ADGRE1: variants seen among roughly 807,000 people sequenced by gnomAD.
ADGRE1 encodes the protein EGF-like module receptor 1.
A neutral mutation model predicts 102.7 loss-of-function variants in ADGRE1; 82 were observed. The ratio of observed to expected loss-of-function variants is 0.80; its 90% confidence interval spans 0.67 to 0.96. The LOEUF is 0.96. Ranked by LOEUF, ADGRE1 falls within the 40% of genes least tolerant of loss-of-function variation. The pLI is 0.00. For missense variants in ADGRE1, 1,032 were observed against 1,085.3 expected, an observed-to-expected ratio of 0.95 and a Z score of 0.69; for synonymous variants, 398 against 399.6, an observed-to-expected ratio of 1.00 and a Z score of 0.05.
chr19:6,937,533 T>C lies in ADGRE1; in HGVS notation c.2551-11T>C. 1 of 1,612,630 alleles carries C rather than the reference T, an allele frequency of 6.2e-7. No individual in the cohort carries two copies. Among genetic ancestry groups the C allele is most frequent in the Non-Finnish European group, 8.5e-7 (1 of 1,179,484 alleles). ...TTTCCCTGCATCTGGATGATGTGTC[T>C]CCTTCTCCAGGTACGAGAAGAATAC... On this transcript the variant is annotated splice_polypyrimidine_tract_variant and intron_variant, in intron 19 of 20. Coordinates refer to ENST00000312053, the MANE Select transcript of ADGRE1 (RefSeq NM_001974.5).
chr19:6,920,691 G>A (rs1974630507), intron 13 of ADGRE1, among the ~76,000 whole-genome samples: 1 of 151,062 alleles, frequency 6.6e-6, no homozygotes, highest in Non-Finnish European at 1.5e-5. Flanking sequence ...TTTGTATTTA[G>A]TAGAGACGGA....
chr19:6,903,592 A>C (rs1020991213), intron 6 of ADGRE1, among the ~76,000 whole-genome samples: 3 of 152,062 alleles, frequency 2.0e-5, no homozygotes, highest in African/African-American at 7.2e-5. Context: ...CCACTTCTTG[A>C]CCACCTTGGC....
intron 12 of ADGRE1, among the ~76,000 whole-genome samples, chr19:6,919,341 T>A (rs1974530598): frequency 1.3e-5 from 2 of 151,836 alleles, no homozygotes; most frequent in Non-Finnish European, 2.9e-5. Flanking sequence ...GAGGTTTTTT[T>A]TTTTTAATGG....
intron 11 of ADGRE1, among the ~76,000 whole-genome samples, chr19:6,914,410 A>G (rs992915294): frequency 1.8e-4 from 28 of 152,164 alleles, no homozygotes; most frequent in Non-Finnish European, 7.4e-5. Context: ...TTTTTAATCC[A>G]CTAAGACTTA....
At position 6,889,952 on chromosome 19, in the gene ADGRE1, A is replaced by C. The variant is rs546977148; in HGVS notation, c.32-529A>C. Reference sequence around the variant, plus strand: ...AGAACTTTTTTTTTTAGACAGGGTCACCTAGGCTGGAGCGCAGTGGCATGA... The same window carrying C: ...AGAACTTTTTTTTTTAGACAGGGTCCCCTAGGCTGGAGCGCAGTGGCATGA... On this transcript the variant is annotated intron_variant, in intron 1 of 20. Coordinates refer to ENST00000312053, the MANE Select transcript of ADGRE1 (RefSeq NM_001974.5). 3.3e-5 allele frequency among the ~76,000 whole-genome samples: 5 copies of C among 152,144 alleles called. No individual in the cohort carries two copies. The South Asian group carries it at 1.0e-3, about 32-fold the overall frequency.
chr19:6,938,525 C>T (rs901236450), intron 20 of ADGRE1, among the ~76,000 whole-genome samples: 2 of 151,870 alleles, frequency 1.3e-5, no homozygotes, highest in African/African-American at 4.8e-5. Context: ...ATGTATTCCA[C>T]GCCCCTAAAA....
At position 6,903,918 on chromosome 19, in the gene ADGRE1, T is replaced by A; in HGVS notation, c.770T>A (p.Leu257Ter). The A allele has an allele frequency of 1.9e-6, 3 of 1,614,192 alleles. No homozygotes were observed. Among genetic ancestry groups the A allele is most frequent in the Non-Finnish European group, 2.5e-6 (3 of 1,180,030 alleles). Residue 257 changes from leucine (L) to a stop codon, truncating the protein, a stop_gained, in exon 7 of 21, where the codon TTG becomes TAG. Transcript: ENST00000312053. LOFTEE classifies it high-confidence loss of function. The part of the protein sequence containing the change: ...HPGFAPSNGQ[L>*]NFTDQGVECR... The stretch of plus-strand genomic sequence containing the variant: ...GGCTTTGCACCAAGCAATGGACAGT[T>A]GAATTTCACAGACCAAGGAGTGGAA...
intron 20 of ADGRE1, 24 bp downstream of exon 20, chr19:6,937,672 A>G (rs388711): frequency 0.73 from 1,180,143 of 1,610,202 alleles, 434,159 homozygotes; most frequent in Non-Finnish European, 0.75. Flanking sequence ...TGCTCCCTGC[A>G]GGTGCTGGTC....
At chr19:6,917,739 C>A (rs1425377376) in intron 12 of ADGRE1, among the ~76,000 whole-genome samples, 1,185 of 116,044 alleles carry the variant, frequency 0.01, no homozygotes, top group Admixed American at 0.013. Context: ...GACTCCATCT[C>A]AAAAAAAAAA....
chr19:6,919,519 TCC>T, intron 12 of ADGRE1, 27 bp from the exon 13 acceptor site: 1 of 1,564,134 alleles, frequency 6.4e-7, no homozygotes, highest in Non-Finnish European at 8.7e-7. Context: ...AACGATTCCT[TCC>T]TTTTTTTCAT....
intron 14 of ADGRE1, 102 bp from the exon 15 acceptor site, chr19:6,924,576 C>T: frequency 2.0e-6 from 2 of 989,610 alleles, no homozygotes; most frequent in Non-Finnish European, 3.0e-6. Flanking sequence ...AAAATTCCCC[C>T]AAGCTAATTT....
chr19:6,923,161 G>A (rs939160612), intron 14 of ADGRE1, among the ~76,000 whole-genome samples: 5 of 152,254 alleles, frequency 3.3e-5, no homozygotes, highest in African/African-American at 4.8e-5. Context: ...GTGCCATTTC[G>A]AGGACCCTGT....
In ADGRE1 at chr19:6,903,856, C is replaced by T. The variant is rs778685988; in HGVS notation, c.708C>T (p.Thr236=). The T allele has an allele frequency of 1.2e-6, 2 of 1,614,176 alleles. No individual in the cohort carries two copies. The highest frequency in any genetic ancestry group is 1.7e-6 in the Non-Finnish European group (2 of 1,180,028). ...TGTGCCCCATCAATTCAACATGCAC[C>T]AACACTCCTGGGAGCTACTTTTGCA... is the stretch of plus-strand genomic sequence containing the variant. ...TEMCPINSTC[T]NTPGSYFCTC... Residue 236 remains threonine, a synonymous_variant, in exon 7 of 21, where the codon ACC becomes ACT. Transcript: ENST00000312053.
At position 6,889,870 on chromosome 19, in the gene ADGRE1, G is replaced by T. The variant is rs1338360968; in HGVS notation, c.32-611G>T. On this transcript the variant is annotated intron_variant, in intron 1 of 20. Coordinates refer to ENST00000312053, the MANE Select transcript of ADGRE1 (RefSeq NM_001974.5). Reference sequence around the variant, plus strand: ...TGAGAACCAAGTTTGGGTCCTTAGAGGATATATCACCCCTTTTGAGAATGC... The same window carrying T: ...TGAGAACCAAGTTTGGGTCCTTAGATGATATATCACCCCTTTTGAGAATGC... 2.0e-5 allele frequency among the ~76,000 whole-genome samples: 3 copies of T among 152,048 alleles called. No individual in the cohort carries two copies. The East Asian group carries it at 5.8e-4, about 29-fold the overall frequency.
intron 17 of ADGRE1, 46 bp downstream of exon 17, chr19:6,928,257 G>A (rs1337196693): frequency 6.2e-7 from 1 of 1,613,912 alleles, no homozygotes; most frequent in Admixed American, 1.7e-5. Context: ...TCTGAAGGAG[G>A]AGCAAGGAGA....
At chr19:6,903,541 T>C (rs1208522250) in intron 6 of ADGRE1, among the ~76,000 whole-genome samples, 4 of 152,192 alleles carry the variant, frequency 2.6e-5, no homozygotes, top group African/African-American at 7.2e-5. Context: ...GTGTTCCTGG[T>C]TTAGCCAGTT....
intron 17 of ADGRE1, 54 bp downstream of exon 17, chr19:6,928,265 A>C (rs1354270440): frequency 1.2e-6 from 2 of 1,613,650 alleles, no homozygotes; most frequent in Non-Finnish European, 1.7e-6. Context: ...AGGAGCAAGG[A>C]GACCTGCGAG....
In ADGRE1 at chr19:6,919,535, G is replaced by A. The variant is rs370992794; in HGVS notation, c.1421-13G>A. ...ACGATTCCTTCCTTTTTTTCATTTG[G>A]GGAAACCTGCAGAGACCACTGGTGT... On this transcript the variant is annotated splice_polypyrimidine_tract_variant and intron_variant, in intron 12 of 20. Coordinates refer to ENST00000312053, the MANE Select transcript of ADGRE1 (RefSeq NM_001974.5). 1.3e-5 allele frequency: 21 copies of A among 1,590,308 alleles called. No individual in the cohort carries two copies. The highest frequency in any genetic ancestry group is 1.7e-5 in the Non-Finnish European group (20 of 1,169,196).
intron 17 of ADGRE1, among the ~76,000 whole-genome samples, chr19:6,933,598 GCTGGTCTCGAACTC>G (rs1975257743): frequency 6.6e-6 from 1 of 152,062 alleles, no homozygotes; most frequent in Non-Finnish European, 1.5e-5. Flanking sequence ...TGTTGGTCAG[GCTGGTCTCGAACTC>G]CTGACCTCAG....
Sources: allele counts gnomAD v4.1 joint callset (sites outside exome capture counted in the v4.1 genomes callset), GRCh38; gene constraint gnomAD v4.1.1; transcripts MANE v1.5; gene names NCBI Gene and HGNC (gene_info 2026-07-23, HGNC 2026-07-21).